Variants in MORN3 observed in about 807,000 individuals in gnomAD.
MORN3 encodes the protein MORN repeat containing 3, also known as MORN repeat-containing protein 3.
A neutral mutation model predicts 34.7 loss-of-function variants in MORN3; 38 were observed. The observed-to-expected ratio is 1.10, with a 90% CI of 0.85 to 1.44. The LOEUF is 1.44. Among genes scored for constraint, MORN3 ranks in the 40% most tolerant of loss-of-function variants. The pLI, the probability that MORN3 is intolerant of heterozygous loss-of-function variation, is 0.00. For synonymous variants in MORN3, 109 were observed against 115.3 expected (o/e 0.95, Z 0.35); for missense variants, 311 against 321.7 (o/e 0.97, Z 0.25).
chr12:121,667,274 G>C (rs1356555008), intron 1 of MORN3, among the ~76,000 whole-genome samples: 1 of 151,274 alleles, frequency 6.6e-6, no homozygotes, highest in East Asian at 1.9e-4. Flanking sequence ...TTTATCTTGA[G>C]GCAGAGTCTT....
In MORN3 at chr12:121,667,848, C is replaced by A. The variant is rs367813239; in HGVS notation, c.145+1491G>T. 2.6e-5 allele frequency among the ~76,000 whole-genome samples: 4 copies of A among 151,974 alleles called. No individual in the cohort carries two copies. In the South Asian group the frequency reaches 8.3e-4, roughly 32 times the overall value. On this transcript the variant is annotated intron_variant, in intron 1 of 5. Transcript: ENST00000355329. ...ACGCCATTCTCCTGCCTCAGCCTCCCGAGTAGCTGGGACTACAGGCGCCCA... is the reference window on the plus strand; with the variant it reads ...ACGCCATTCTCCTGCCTCAGCCTCCAGAGTAGCTGGGACTACAGGCGCCCA...
At chr12:121,669,041 G>C (rs1208626753) in intron 1 of MORN3, among the ~76,000 whole-genome samples, 1 of 152,176 alleles carries the variant, frequency 6.6e-6, no homozygotes, top group Non-Finnish European at 1.5e-5. Context: ...CTTAACCCAG[G>C]TCTCAGAAGG....
At chr12:121,654,015 G>A (rs1945743240) in intron 3 of MORN3, among the ~76,000 whole-genome samples, 3 of 151,912 alleles carry the variant, frequency 2.0e-5, no homozygotes, top group Admixed American at 2.0e-4. Context: ...ATAGTCCTAG[G>A]CAACCATTAG....
rs1408594052 is a variant in MORN3 at position 121,654,368 on chromosome 12, G to T, written c.369C>A (p.Arg123=). 6.2e-7 allele frequency: 1 copy of T among 1,601,304 alleles called. No individual in the cohort carries two copies. The highest frequency in any genetic ancestry group is 8.5e-7 in the Non-Finnish European group (1 of 1,174,506). Residue 123 remains arginine, a synonymous_variant, in exon 3 of 6, where the codon CGC becomes CGA. Coordinates refer to ENST00000355329, the MANE Select transcript of MORN3 (RefSeq NM_173855.5). The stretch of plus-strand genomic sequence containing the variant: ...TGTAATACATGCGGCCCCACCCGCT[G>T]CGCTGGCTGCCACACCAGTCACCCT... ...YYEGDWCGSQ[R]SGWGRMYYSN...
intron 1 of MORN3, among the ~76,000 whole-genome samples, chr12:121,667,199 C>T (rs2136884994): frequency 6.6e-6 from 1 of 151,398 alleles, no homozygotes; most frequent in East Asian, 1.9e-4. Flanking sequence ...TGACCTCAGG[C>T]GATATGCCTG....
intron 2 of MORN3, 23 bp downstream of exon 2, chr12:121,659,168 C>CA (rs59026522): frequency 1.6e-5 from 25 of 1,601,586 alleles, no homozygotes; most frequent in South Asian, 7.7e-5. Flanking sequence ...CACACACACA[C>CA]CCCGGCTGGC....
At chr12:121,659,135 G>GCACACACACA in intron 2 of MORN3, 56 bp downstream of exon 2, 1 of 1,283,258 alleles carries the variant, frequency 7.8e-7, no homozygotes, top group Non-Finnish European at 1.1e-6. Flanking sequence ...ACACACACGC[G>GCACACACACA]CGCACACACA....
At chr12:121,659,391 G>A (rs778816944) in intron 1 of MORN3, 43 bp from the exon 2 acceptor site, 1 of 1,604,064 alleles carries the variant, frequency 6.2e-7, no homozygotes, top group South Asian at 1.1e-5. Context: ...ATGGCCGCCG[G>A]GGGGTGGGGG....
At chr12:121,655,805 C>T (rs59599225) in intron 2 of MORN3, among the ~76,000 whole-genome samples, 4,571 of 151,916 alleles carry the variant, frequency 0.03, 190 homozygotes, top group East Asian at 0.11. Flanking sequence ...CCAAGGCAGG[C>T]GGATCACAAG....
upstream of MORN3, chr12:121,672,531 CAGG>C (rs1434186223): frequency 6.6e-6 from 1 of 152,348 alleles, no homozygotes; most frequent in Non-Finnish European, 1.5e-5. Context: ...TGGGGTCAGT[CAGG>C]AGTCCTGGGC....
intron 1 of MORN3, among the ~76,000 whole-genome samples, chr12:121,664,422 C>A (rs900838325): frequency 6.6e-6 from 1 of 152,126 alleles, no homozygotes; most frequent in Non-Finnish European, 1.5e-5. Flanking sequence ...GAAGGGCAGT[C>A]CAGGCACAGG....
chr12:121,650,749 T>TG lies in MORN3; in HGVS notation c.*901dup, dbSNP rs782231152. 6.6e-6 allele frequency: 1 copy of TG among 152,048 alleles called. No homozygotes were observed. Among genetic ancestry groups the TG allele is most frequent in the Non-Finnish European group, 1.5e-5 (1 of 68,096 alleles). 9.4% of individuals were successfully genotyped at this position (152,048 alleles called of 1,614,324 possible). ...AGGAGGCTGAGGTAGGAGAATCGCT[T>TG]GAACATGGGAGGCAGAGGTTGCAGT... On this transcript the variant is annotated 3_prime_UTR_variant, in exon 6 of 6. Coordinates refer to ENST00000355329, the MANE Select transcript of MORN3 (RefSeq NM_173855.5).
At chr12:121,652,946 A>G in intron 4 of MORN3, 129 bp downstream of exon 4, 1 of 1,438,796 alleles carries the variant, frequency 7.0e-7, no homozygotes, top group South Asian at 1.2e-5. Context: ...CCCTGACTGA[A>G]AACAAAACCT....
chr12:121,666,426 C>A (rs1252356345), intron 1 of MORN3, among the ~76,000 whole-genome samples: 1 of 151,982 alleles, frequency 6.6e-6, no homozygotes, highest in African/African-American at 2.4e-5. Flanking sequence ...ATCACTTGAA[C>A]CTGGGAAGTG....
At chr12:121,661,833 G>A (rs751686255) in intron 1 of MORN3, among the ~76,000 whole-genome samples, 10 of 151,696 alleles carry the variant, frequency 6.6e-5, no homozygotes, top group African/African-American at 1.5e-4. Context: ...CTGAGATGGC[G>A]CCACTGCACT....
intron 2 of MORN3, among the ~76,000 whole-genome samples, chr12:121,655,666 G>A (rs1482487480): frequency 1.3e-5 from 2 of 151,788 alleles, no homozygotes; most frequent in African/African-American, 2.4e-5. Flanking sequence ...AGCCCAGATC[G>A]TGCCATTGCA....
intron 1 of MORN3, among the ~76,000 whole-genome samples, chr12:121,660,960 C>T (rs897051446): frequency 1.3e-5 from 2 of 151,968 alleles, no homozygotes; most frequent in African/African-American, 2.4e-5. Context: ...TGAGCCACCG[C>T]GCCTGGCCTT....
chr12:121,659,641 A>G (rs1165461555), intron 1 of MORN3, among the ~76,000 whole-genome samples: 2 of 149,806 alleles, frequency 1.3e-5, no homozygotes, highest in Non-Finnish European at 3.0e-5. Flanking sequence ...TTCAGGAGAT[A>G]CTCCTGCCTC....
chr12:121,670,942 C>T (rs1404799025), upstream of MORN3, among the ~76,000 whole-genome samples: 1 of 151,184 alleles, frequency 6.6e-6, no homozygotes, highest in Non-Finnish European at 1.5e-5. Context: ...GAAACCCTGT[C>T]TGTACTAAAA....
Sources: gnomAD v4.1 joint callset for allele counts (sites outside exome capture counted in the v4.1 genomes callset) on GRCh38, gnomAD v4.1.1 for gene constraint, MANE v1.5 for transcripts, NCBI Gene and HGNC (gene_info 2026-07-23, HGNC 2026-07-21) for gene names.